The following DST variants were observed in gnomAD, a reference collection of about 807,000 sequenced individuals.
The protein encoded by DST is bullous pemphigoid antigen.
Under a neutral mutation model 875.2 loss-of-function variants are expected in DST, and 253 were observed. The observed-to-expected ratio is 0.29, with a 90% confidence interval of 0.26 to 0.32. The LOEUF is 0.32. Ranked by LOEUF, DST falls within the 10% of genes least tolerant of loss-of-function variation. The pLI is 1.00. For synonymous variants in DST, 3,124 were observed against 3,197.1 expected (o/e 0.98, Z 0.77); for missense variants, 8,287 against 9,111.6 (o/e 0.91, Z 3.68).
intron 3 of DST, among the ~76,000 whole-genome samples, chr6:56,855,051 T>C (rs1270675458): frequency 6.6e-6 from 1 of 152,142 alleles, no homozygotes; most frequent in Non-Finnish European, 1.5e-5. Context: ...CTGGCCTACG[T>C]CATAATACTT....
intron 95 of DST, among the ~76,000 whole-genome samples, chr6:56,470,510 G>T (rs1452815799): frequency 1.3e-5 from 2 of 151,874 alleles, no homozygotes; most frequent in East Asian, 3.9e-4. Flanking sequence ...TGTTTTTTTA[G>T]GTTGAAAATG....
At chr6:56,571,475 T>C (rs775266655) in intron 53 of DST, among the ~76,000 whole-genome samples, 15 of 152,158 alleles carry the variant, frequency 9.9e-5, no homozygotes, top group Admixed American at 2.0e-4. Flanking sequence ...AAATGACTTT[T>C]CTATGTTCTG....
rs540407640 is a variant in DST, at chr6:56,617,753, C to T, written c.4930-3269G>A. The stretch of plus-strand genomic sequence containing the variant: ...TCAGAATGTATCTCCACAGATATAA[C>T]AGTATATCTATTACATCTGTATGTT... On this transcript the variant is annotated intron_variant, in intron 36 of 103. Coordinates refer to ENST00000680361, the MANE Select transcript of DST (RefSeq NM_001374736.1). Among the ~76,000 whole-genome samples, 28 of 152,248 alleles carry T rather than the reference C, an allele frequency of 1.8e-4. No individual in the cohort carries two copies. The South Asian group carries it at 5.6e-3, about 30-fold the overall frequency.
In DST at chr6:56,569,871, A is replaced by T; in HGVS notation, c.13863T>A (p.Ser4621=). ...AATGATTCACCTTAGTGTCTTCCAA[A>T]GATTTTCCTAAATCCTCTGCACCAA... ...PSFGAEDLGK[S]LEDTKKLQEK... Residue 4621 remains serine, a synonymous_variant, in exon 54 of 104, where the codon TCT becomes TCA. Transcript: ENST00000680361. The T allele has an allele frequency of 6.2e-7, 1 of 1,611,718 alleles. No homozygotes were observed. Among genetic ancestry groups the T allele is most frequent in the Non-Finnish European group, 8.5e-7 (1 of 1,179,266 alleles).
At chr6:56,471,958 T>C (rs1466888202) in intron 94 of DST, 101 bp downstream of exon 94, 1 of 1,203,144 alleles carries the variant, frequency 8.3e-7, no homozygotes, top group Non-Finnish European at 1.2e-6. Context: ...GTTTGCTTAT[T>C]ATCAGAAAAG....
chr6:56,703,054 G>A (rs1476378927), intron 7 of DST, among the ~76,000 whole-genome samples: 1 of 152,170 alleles, frequency 6.6e-6, no homozygotes, highest in South Asian at 2.1e-4. Context: ...GCAAAGGTAG[G>A]CTGCAGTCAA....
At chr6:56,616,788 C>A in intron 36 of DST, 1 of 1,614,184 alleles carries the variant, frequency 6.2e-7, no homozygotes, top group Admixed American at 1.7e-5. Flanking sequence ...GCTTGAAACA[C>A]TGACAATGTC....
Position 56,498,030 on chromosome 6 carries a change from G to A in DST, c.19920C>T (p.Ala6640=), listed in dbSNP as rs770909983. Reference sequence around the variant, plus strand: ...TAACGGCTTCCACTGTGGACTGATGGGCTAATACATCATTTTGGAGCACCT... The same window carrying A: ...TAACGGCTTCCACTGTGGACTGATGAGCTAATACATCATTTTGGAGCACCT... The part of the protein sequence containing the change: ...KHHVLQNDVL[A]HQSTVEAVNK... Residue 6640 remains alanine, a synonymous_variant, in exon 81 of 104, where the codon GCC becomes GCT. Transcript: ENST00000680361. The A allele has an allele frequency of 6.2e-7, 1 of 1,612,280 alleles. No homozygotes were observed. Among genetic ancestry groups the A allele is most frequent in the Non-Finnish European group, 8.5e-7 (1 of 1,179,068 alleles).
chr6:56,711,121 A>G (rs1194882731), intron 5 of DST, among the ~76,000 whole-genome samples: 1 of 152,162 alleles, frequency 6.6e-6, no homozygotes, highest in East Asian at 1.9e-4. Context: ...TTTTGGGTAG[A>G]CAATCTATAA....
At chr6:56,865,877 T>A (rs1056478745) in intron 3 of DST, among the ~76,000 whole-genome samples, 1 of 152,200 alleles carries the variant, frequency 6.6e-6, no homozygotes, top group East Asian at 1.9e-4. Flanking sequence ...AGTTTTATCA[T>A]CTTCTAAAAC....
At chr6:56,863,707 G>A (rs955880824) in intron 3 of DST, 2 of 152,086 alleles carry the variant, frequency 1.3e-5, no homozygotes, top group African/African-American at 4.8e-5. Flanking sequence ...AAGCAAAGAA[G>A]AATTTTTAAA....
rs200108872 is a variant in DST at position 56,504,025 on chromosome 6, G to T, written c.19538C>A (p.Thr6513Asn). 1.9e-6 allele frequency: 3 copies of T among 1,608,550 alleles called. No individual in the cohort carries two copies. Among genetic ancestry groups the T allele is most frequent in the Non-Finnish European group, 2.5e-6 (3 of 1,177,736 alleles). Residue 6513 changes from threonine to asparagine, a missense_variant, in exon 78 of 104, where the codon ACT becomes AAT. Transcript: ENST00000680361. Reference sequence around the variant, plus strand: ...TAGCTCTTCAATCTGCTGCTTGACAGTTTCGAGATCTGTTCCAATTGGAGA... The same window carrying T: ...TAGCTCTTCAATCTGCTGCTTGACATTTTCGAGATCTGTTCCAATTGGAGA... ...SMSPIGTDLE[T>N]VKQQIEELKQ... is the part of the protein sequence containing the mutation.
Position 56,458,988 on chromosome 6 carries a change from TGG to T in DST, c.*15_*16del. ...ATAATAAATGCTCAAGGAAGGGCCT[TGG>T]TAGAACCAATTGCACTATCTCTTTG... is the stretch of plus-strand genomic sequence containing the variant. On this transcript the variant is annotated 3_prime_UTR_variant, in exon 104 of 104. Transcript: ENST00000680361. 1 of 1,580,006 alleles carries T rather than the reference TGG, an allele frequency of 6.3e-7. No homozygotes were observed. Among genetic ancestry groups the T allele is most frequent in the Non-Finnish European group, 8.6e-7 (1 of 1,159,654 alleles).
At position 56,606,750 on chromosome 6, in the gene DST, C is replaced by A. The variant is rs2098501906; in HGVS notation, c.7878G>T (p.Leu2626Phe). Residue 2626 changes from leucine (L) to phenylalanine (F), a missense_variant, in exon 40 of 104, where the codon TTG becomes TTT. Transcript: ENST00000680361. The part of the protein sequence containing the change: ...PLFEDDDHDS[L>F]LLDGDDRDCL... ...AATCACGATCATCACCATCAAGAAG[C>A]AAAGAATCATGGTCATCATCTTCAA... is the stretch of plus-strand genomic sequence containing the variant. 1 of 1,613,266 alleles carries A rather than the reference C, an allele frequency of 6.2e-7. No individual in the cohort carries two copies. Among genetic ancestry groups the A allele is most frequent in the African/African-American group, 1.3e-5 (1 of 74,878 alleles).
chr6:56,788,390 C>T (rs769177532), intron 4 of DST, among the ~76,000 whole-genome samples: 1 of 151,862 alleles, frequency 6.6e-6, no homozygotes, highest in Non-Finnish European at 1.5e-5. Context: ...CCATGTTGGT[C>T]AGGTTGGTCT....
chr6:56,844,871 C>CAAAA (rs11389743), intron 4 of DST, among the ~76,000 whole-genome samples: 25 of 123,222 alleles, frequency 2.0e-4, no homozygotes, highest in African/African-American at 7.3e-4. Context: ...GACTCCGTCT[C>CAAAA]AAAAAAAAAA....
intron 4 of DST, among the ~76,000 whole-genome samples, chr6:56,804,416 TA>T (rs1316173587): frequency 6.6e-6 from 1 of 152,208 alleles, no homozygotes; most frequent in Non-Finnish European, 1.5e-5. Flanking sequence ...TTGGTATTAC[TA>T]AAATTTACTA....
intron 61 of DST, 103 bp from the exon 62 acceptor site, chr6:56,537,043 A>G (rs1412204803): frequency 2.0e-6 from 2 of 992,332 alleles, no homozygotes; most frequent in East Asian, 5.2e-5. Context: ...ACCATCAATT[A>G]TTACAGAGGT....
chr6:56,677,492 A>T (rs77289721), intron 9 of DST, among the ~76,000 whole-genome samples: 20,448 of 151,914 alleles, frequency 0.13, 3,141 homozygotes, highest in African/African-American at 0.38. Context: ...AATTCTTTTA[A>T]ATTTTCTGTG....
Sources: gnomAD v4.1 joint callset for allele counts (sites outside exome capture counted in the v4.1 genomes callset) on GRCh38, gnomAD v4.1.1 for gene constraint, MANE v1.5 for transcripts, NCBI Gene and HGNC (gene_info 2026-07-23, HGNC 2026-07-21) for gene names.